The following MMP24 variants were observed in gnomAD, a reference collection of about 807,000 sequenced individuals.
The protein encoded by MMP24 is matrix metallopeptidase 24, also known as matrix metalloproteinase-24.
Under a neutral mutation model 62.8 loss-of-function variants are expected in MMP24, and 25 were observed. That is an observed-to-expected ratio of 0.40 (90% CI 0.29 to 0.56). The LOEUF (loss-of-function observed/expected upper bound fraction) is 0.56, where lower values mean the gene tolerates loss of function less well. MMP24 is among the 20% of genes least tolerant of loss of function. The probability of loss-of-function intolerance (pLI) is 0.50; values close to 1 mark genes in which losing one functional copy is unlikely to be tolerated. For synonymous variants in MMP24, 319 were observed against 350.5 expected, an observed-to-expected ratio of 0.91 and a Z score of 1.00; for missense variants, 634 against 853.6, an observed-to-expected ratio of 0.74 and a Z score of 3.21.
At chr20:35,227,604 C>G (rs2060420375) in intron 1 of MMP24, among the ~76,000 whole-genome samples, 1 of 152,008 alleles carries the variant, frequency 6.6e-6, no homozygotes, top group Admixed American at 6.6e-5. Context: ...CTGCTCATCA[C>G]TGGCATGTGC....
intron 1 of MMP24, among the ~76,000 whole-genome samples, chr20:35,239,826 A>G (rs1265082615): frequency 1.3e-5 from 2 of 152,136 alleles, no homozygotes; most frequent in African/African-American, 4.8e-5. Context: ...AAACAAACAA[A>G]CAAAAAAGGA....
intron 8 of MMP24, chr20:35,272,125 G>C: frequency 2.1e-6 from 1 of 483,462 alleles, no homozygotes; most frequent in Non-Finnish European, 3.6e-6. Context: ...TGTACTCCAG[G>C]GACGCCTTGA....
In MMP24 at chr20:35,256,651, G is replaced by A. The variant is rs547511210; in HGVS notation, c.817+1897G>A. Among the ~76,000 whole-genome samples, 7 of 149,728 alleles carry A rather than the reference G, an allele frequency of 4.7e-5. No homozygotes were observed. The South Asian group carries it at 6.5e-4, about 14-fold the overall frequency. On this transcript the variant is annotated intron_variant, in intron 4 of 8. Transcript: ENST00000246186. ...GGAGAATCCCTTGAACCCGGGAGGC[G>A]GAGGTTACAGTGAGCCGAGATCATG...
chr20:35,271,756 C>A lies in MMP24; in HGVS notation c.1521C>A (p.Asp507Glu). The A allele has an allele frequency of 6.3e-7, 1 of 1,597,696 alleles. No homozygotes were observed. Among genetic ancestry groups the A allele is most frequent in the South Asian group, 1.1e-5 (1 of 88,796 alleles). ...ACAGCGAGGAGCGGCGGGCCACGGA[C>A]CCTGGCTACCCTAAGCCCATCACCG... ...WRYSEERRAT[D>E]PGYPKPITVW... The change falls in exon 8 of 9, where the codon GAC becomes GAA. Residue 507 changes from aspartate to glutamate, a missense_variant. Asp to Glu is a conservative substitution (Grantham distance 45). Around this residue, in one of 3 missense-constraint regions of MMP24, gnomAD observed 399 missense variants for 530.8 expected, o/e 0.75. Coordinates refer to ENST00000246186, the MANE Select transcript of MMP24 (RefSeq NM_006690.4). The surrounding 1 kb of genome is among the most constrained non-coding windows in gnomAD (Gnocchi z 4.0).
rs143339096 is a variant in MMP24, at chr20:35,267,290, C to G, written c.1065C>G (p.His355Gln). 1.2e-5 allele frequency: 20 copies of G among 1,603,366 alleles called. No individual in the cohort carries two copies. Among genetic ancestry groups the G allele is most frequent in the Non-Finnish European group, 1.7e-5 (20 of 1,175,494 alleles). ...RRIHSPSERK[H>Q]ERQPRPPRPP... ...TCCACTCACCATCGGAGAGGAAACACGAGCGCCAGCCCAGGCCCCCTCGGC... is the reference window on the plus strand; with the variant it reads ...TCCACTCACCATCGGAGAGGAAACAGGAGCGCCAGCCCAGGCCCCCTCGGC... Residue 355 changes from histidine to glutamine, a missense_variant, in exon 6 of 9, where the codon CAC (histidine) becomes CAG (glutamine). Coordinates refer to ENST00000246186, the MANE Select transcript of MMP24 (RefSeq NM_006690.4).
intron 2 of MMP24, 77 bp from the exon 3 acceptor site, chr20:35,251,828 G>C: frequency 1.7e-6 from 2 of 1,179,858 alleles, no homozygotes; most frequent in Admixed American, 1.7e-5. Context: ...ACTGGAGCTG[G>C]GGAATAGGCA....
At chr20:35,249,839 C>T (rs541026338) in intron 2 of MMP24, among the ~76,000 whole-genome samples, 30 of 152,154 alleles carry the variant, frequency 2.0e-4, no homozygotes, top group Non-Finnish European at 3.1e-4. Context: ...GTGATCCGCC[C>T]GCCTCGGCCT....
Position 35,267,066 on chromosome 20 carries a change from G to T in MMP24, c.980-139G>T, listed in dbSNP as rs1423981756. Reference sequence around the variant, plus strand: ...ATTTTCATCCATTTTCTCAAAGACTGGGGGAGTTAAACTGGGGAGAGGGAA... The same window carrying T: ...ATTTTCATCCATTTTCTCAAAGACTTGGGGAGTTAAACTGGGGAGAGGGAA... On this transcript the variant is annotated intron_variant, in intron 5 of 8. Transcript: ENST00000246186. 5 of 660,132 alleles carry T rather than the reference G, an allele frequency of 7.6e-6. No individual in the cohort carries two copies. In the South Asian group the frequency reaches 9.6e-5, roughly 13 times the overall value. The allele number at this position is 660,132 out of a possible 1,614,324, so 40.9% of individuals were successfully genotyped here.
intron 2 of MMP24, 24 bp downstream of exon 2, chr20:35,247,012 GCCTT>G (rs1168727952): frequency 6.2e-7 from 1 of 1,612,900 alleles, no homozygotes; most frequent in East Asian, 2.2e-5. Flanking sequence ...AGGACATTGT[GCCTT>G]TGAACTTTCT....
chr20:35,262,198 GAC>G (rs910040380), intron 4 of MMP24, among the ~76,000 whole-genome samples: 10 of 152,226 alleles, frequency 6.6e-5, no homozygotes, highest in South Asian at 2.1e-4. Flanking sequence ...GAAAGAAAAA[GAC>G]ACAGAGACAA....
chr20:35,254,690 G>T lies in MMP24; in HGVS notation c.753G>T (p.Gly251=). 1 of 1,614,216 alleles carries T rather than the reference G, an allele frequency of 6.2e-7. No homozygotes were observed. The highest frequency in any genetic ancestry group is 8.5e-7 in the Non-Finnish European group (1 of 1,180,048). Residue 251 remains glycine, a synonymous_variant, in exon 4 of 9, where the codon GGG becomes GGT. Transcript: ENST00000246186. ...CCCATGCCTACTTCCCTGGCCCAGG[G>T]ATTGGAGGAGACACCCACTTTGACT... ...FLAHAYFPGP[G]IGGDTHFDSD...
intron 5 of MMP24, among the ~76,000 whole-genome samples, chr20:35,266,175 TA>T (rs35806814): frequency 2.6e-3 from 110 of 43,032 alleles, no homozygotes; most frequent in African/African-American, 9.8e-3. Context: ...CCATCTCTGC[TA>T]AAAAAAAAAA....
intron 2 of MMP24, among the ~76,000 whole-genome samples, chr20:35,250,573 AAAG>A (rs1213012085): frequency 8.9e-4 from 135 of 151,054 alleles, no homozygotes; most frequent in African/African-American, 3.1e-3. Context: ...AAAAAAAAAA[AAAG>A]AAAGAAAGAA....
chr20:35,262,206 G>C (rs2060607413), intron 4 of MMP24, among the ~76,000 whole-genome samples: 1 of 152,124 alleles, frequency 6.6e-6, no homozygotes, highest in African/African-American at 2.4e-5. Flanking sequence ...AAGACACAGA[G>C]ACAAAGTATA....
chr20:35,240,928 T>C (rs1399847508), intron 1 of MMP24, among the ~76,000 whole-genome samples: 1 of 152,240 alleles, frequency 6.6e-6, no homozygotes, highest in Non-Finnish European at 1.5e-5. Flanking sequence ...CTGGGTATGA[T>C]ACATTGTGGT....
At chr20:35,252,114 G>C in intron 3 of MMP24, 93 bp downstream of exon 3, 2 of 1,050,486 alleles carry the variant, frequency 1.9e-6, no homozygotes, top group Admixed American at 3.7e-5. Context: ...ATGTAGGGGG[G>C]CCTGGGGATC....
chr20:35,258,577 A>G (rs889328618), intron 4 of MMP24, among the ~76,000 whole-genome samples: 7 of 152,344 alleles, frequency 4.6e-5, no homozygotes, highest in African/African-American at 1.4e-4. Flanking sequence ...TCTCTTGCCC[A>G]TAATTCCTGA....
chr20:35,268,701 G>A (rs2060648700), intron 6 of MMP24, among the ~76,000 whole-genome samples: 1 of 152,194 alleles, frequency 6.6e-6, no homozygotes, highest in South Asian at 2.1e-4. Flanking sequence ...GGCAGGTCCG[G>A]GTTTTATCAT....
chr20:35,275,825 C>A lies in MMP24; in HGVS notation c.*1216C>A, dbSNP rs1732537633. The A allele has an allele frequency of 2.5e-6, 1 of 394,492 alleles. No homozygotes were observed. Among genetic ancestry groups the A allele is most frequent in the African/African-American group, 2.1e-5 (1 of 48,570 alleles). The allele number at this position is 394,492 out of a possible 1,614,324, so 24.4% of individuals were successfully genotyped here. A position where few individuals can be genotyped will look rare whatever the true frequency, so the allele number is the denominator to read the frequency against. The stretch of plus-strand genomic sequence containing the variant: ...TCACTGGGCCCATCTTCCCACACTG[C>A]TCTTAGAAGGACACCCCTACCGGTA... On this transcript the variant is annotated 3_prime_UTR_variant, in exon 9 of 9. Transcript: ENST00000246186.
Sources: allele counts gnomAD v4.1 joint callset (sites outside exome capture counted in the v4.1 genomes callset), GRCh38; gene constraint gnomAD v4.1.1; regional missense constraint gnomAD v4.1.1; non-coding constraint Gnocchi (gnomAD v3.1); transcripts MANE v1.5; gene names NCBI Gene and HGNC (gene_info 2026-07-23, HGNC 2026-07-21).